Variants in DCDC1 observed in about 807,000 individuals in gnomAD.
DCDC1 encodes the protein doublecortin domain containing 1.
Under a neutral mutation model 178.3 loss-of-function variants are expected in DCDC1, and 200 were observed. The ratio of observed to expected loss-of-function variants is 1.12; its 90% confidence interval spans 1.00 to 1.26. DCDC1 has a LOEUF of 1.26. Among genes scored for constraint, DCDC1 ranks in the 50% most tolerant of loss-of-function variants. The probability of loss-of-function intolerance (pLI) is 0.00; values close to 1 mark genes in which losing one functional copy is unlikely to be tolerated. For missense variants in DCDC1, 1,983 were observed against 1,749.2 expected (o/e 1.13, Z -2.38); for synonymous variants, 690 against 604.8 (o/e 1.14, Z -2.07).
At chr11:31,369,527 A>T (rs1015033689) in intron 1 of DCDC1, among the ~76,000 whole-genome samples, 170 bp downstream of exon 1, 16 of 152,134 alleles carry the variant, frequency 1.1e-4, no homozygotes, top group Non-Finnish European at 1.5e-4. Context: ...AAAGATTGAG[A>T]GTAGCTCAGG....
chr11:30,986,858 T>C (rs1426839253), intron 20 of DCDC1, among the ~76,000 whole-genome samples: 2 of 152,192 alleles, frequency 1.3e-5, no homozygotes, highest in African/African-American at 2.4e-5. Context: ...TAAACAGTTC[T>C]GCTCATGACG....
intron 6 of DCDC1, among the ~76,000 whole-genome samples, chr11:31,298,393 G>GA (rs1358902055): frequency 6.8e-6 from 1 of 147,904 alleles, no homozygotes; most frequent in East Asian, 2.0e-4. Flanking sequence ...CTTTTCTCTG[G>GA]AAAGTTAAGA....
chr11:30,927,934 A>G (rs573201074), intron 22 of DCDC1, among the ~76,000 whole-genome samples: 1 of 152,070 alleles, frequency 6.6e-6, no homozygotes, highest in African/African-American at 2.4e-5. Context: ...TGGTAAAAAA[A>G]TACTGATTAA....
intron 34 of DCDC1, among the ~76,000 whole-genome samples, chr11:30,894,606 T>C (rs1944058063): frequency 6.6e-6 from 1 of 152,234 alleles, no homozygotes; most frequent in African/African-American, 2.4e-5. Context: ...ATACATACTC[T>C]ACAGGTAGAA....
intron 20 of DCDC1, among the ~76,000 whole-genome samples, chr11:31,017,231 T>C (rs1192006657): frequency 6.6e-6 from 1 of 152,100 alleles, no homozygotes; most frequent in Non-Finnish European, 1.5e-5. Flanking sequence ...TACATGCAGA[T>C]TTTCTTCCTC....
chr11:31,162,843 C>T (rs2136174503), intron 9 of DCDC1, among the ~76,000 whole-genome samples: 1 of 152,266 alleles, frequency 6.6e-6, no homozygotes, highest in Middle Eastern at 3.4e-3. Context: ...AAGTAGATTT[C>T]ATTTACCTAT....
At chr11:31,340,184 C>T (rs1279587182) in intron 1 of DCDC1, among the ~76,000 whole-genome samples, 1 of 151,600 alleles carries the variant, frequency 6.6e-6, no homozygotes, top group Non-Finnish European at 1.5e-5. Flanking sequence ...AAAATCTGTG[C>T]CTAAAAGGCC....
intron 20 of DCDC1, among the ~76,000 whole-genome samples, chr11:30,984,275 G>A (rs1221240860): frequency 6.6e-6 from 1 of 152,010 alleles, no homozygotes; most frequent in Non-Finnish European, 1.5e-5. Context: ...ATACAGAACT[G>A]TGTCACTGGG....
intron 1 of DCDC1, among the ~76,000 whole-genome samples, chr11:31,340,945 G>A (rs938668581): frequency 6.6e-6 from 1 of 152,150 alleles, no homozygotes; most frequent in Non-Finnish European, 1.5e-5. Flanking sequence ...TGGAGGGTGA[G>A]AGAATGAATT....
intron 8 of DCDC1, among the ~76,000 whole-genome samples, chr11:31,250,415 C>CACACACACACACACACACAT (rs1223526182): frequency 4.1e-5 from 3 of 73,732 alleles, no homozygotes; most frequent in Non-Finnish European, 5.7e-5. Context: ...CACACACACA[C>CACACACACACACACACACAT]ATATACATAT....
At chr11:31,240,242 A>T (rs557311828) in intron 9 of DCDC1, among the ~76,000 whole-genome samples, 5 of 152,010 alleles carry the variant, frequency 3.3e-5, no homozygotes, top group African/African-American at 1.2e-4. Context: ...AATGCAATAA[A>T]ATATTTTATA....
At chr11:31,218,653 T>G (rs1352660069) in intron 9 of DCDC1, among the ~76,000 whole-genome samples, 1 of 152,140 alleles carries the variant, frequency 6.6e-6, no homozygotes, top group Non-Finnish European at 1.5e-5. Flanking sequence ...AGGGTCATAA[T>G]AAAATGTAAC....
intron 20 of DCDC1, among the ~76,000 whole-genome samples, chr11:31,000,732 A>G (rs1193285497): frequency 6.6e-6 from 1 of 150,430 alleles, no homozygotes; most frequent in Non-Finnish European, 1.5e-5. Flanking sequence ...ACTATGTTTA[A>G]AAAAAAAAGC....
chr11:31,189,869 A>G (rs1394915093), intron 9 of DCDC1, among the ~76,000 whole-genome samples: 1 of 152,224 alleles, frequency 6.6e-6, no homozygotes, highest in East Asian at 1.9e-4. Flanking sequence ...CCCATCAGCC[A>G]TATCACTAAC....
intron 12 of DCDC1, 122 bp from the exon 13 acceptor site, chr11:31,107,082 C>A: frequency 3.3e-6 from 2 of 601,686 alleles, no homozygotes; most frequent in South Asian, 2.1e-5. Flanking sequence ...TAATTAAATT[C>A]ATATAGAATG....
At chr11:31,349,240 T>C (rs1215402680) in intron 1 of DCDC1, among the ~76,000 whole-genome samples, 1 of 152,230 alleles carries the variant, frequency 6.6e-6, no homozygotes, top group African/African-American at 2.4e-5. Context: ...TTGCATATTC[T>C]TATCACTTTA....
In DCDC1 at chr11:30,903,525, TG is replaced by T; in HGVS notation, c.4466del (p.Ala1489GlufsTer9). 1 of 1,605,074 alleles carries T rather than the reference TG, an allele frequency of 6.2e-7. No homozygotes were observed. Among genetic ancestry groups the T allele is most frequent in the Non-Finnish European group, 8.5e-7 (1 of 1,175,392 alleles). On this transcript the variant is annotated frameshift_variant, in exon 32 of 39. Transcript: ENST00000684477. LOFTEE classifies it high-confidence loss of function. ...QRDSEKQKQDAAPVGKEQIIV... is the reference protein window; with the variant it reads ...QRDSEKQKQDXAPVGKEQIIV... ...TTATCTGTTCTTTTCCAACAGGAGC[TG>T]CATCTTGCTTTTGTTTCTCAGAGTC...
rs555998174 is a variant in DCDC1 at position 30,865,426 on chromosome 11, T to G, written c.*41-94A>C. 3.3e-5 allele frequency: 5 copies of G among 153,242 alleles called. No homozygotes were observed. In the East Asian group the frequency reaches 9.7e-4, roughly 30 times the overall value. 9.5% of individuals were successfully genotyped at this position (153,242 alleles called of 1,614,324 possible). A position where few individuals can be genotyped will look rare whatever the true frequency, so the allele number is the denominator to read the frequency against. ...CATTTATATACACACATAGTATATA[T>G]GAAGTTCAGTAGAATTTGCTATTGA... On this transcript the variant is annotated intron_variant, in intron 38 of 38. Coordinates refer to ENST00000684477, the MANE Select transcript of DCDC1 (RefSeq NM_001387274.1).
chr11:30,953,284 T>C (rs919739552), intron 20 of DCDC1, among the ~76,000 whole-genome samples: 4 of 148,418 alleles, frequency 2.7e-5, no homozygotes, highest in African/African-American at 7.3e-5. Context: ...ATATAAGTAT[T>C]ATATTTATTA....
Sources: allele counts gnomAD v4.1 joint callset (sites outside exome capture counted in the v4.1 genomes callset), GRCh38; gene constraint gnomAD v4.1.1; transcripts MANE v1.5; gene names NCBI Gene and HGNC (gene_info 2026-07-23, HGNC 2026-07-21).